The following HERC1 variants were observed in gnomAD, a reference collection of about 807,000 sequenced individuals.
HERC1 encodes probable E3 ubiquitin-protein ligase HERC1.
A neutral mutation model predicts 554.3 loss-of-function variants in HERC1; 160 were observed. The ratio of observed to expected loss-of-function variants is 0.29; its 90% CI spans 0.25 to 0.33. HERC1 has a LOEUF of 0.33. Among genes scored for constraint, HERC1 ranks in the 10% least tolerant of loss-of-function variants. The pLI is 1.00. For missense variants in HERC1, 4,919 were observed against 5,918.5 expected (o/e 0.83, Z 5.54); for synonymous variants, 2,175 against 2,131.7 (o/e 1.02, Z -0.56).
Position 63,739,994 on chromosome 15 carries a change from T to C in HERC1, c.2521-5145A>G, listed in dbSNP as rs184176393. The stretch of plus-strand genomic sequence containing the variant: ...GGTATGATGTCAGCTCACCGCAACC[T>C]CTGCCTCCCGGTTTCAAGCAATTCT... On this transcript the variant is annotated intron_variant, in intron 12 of 77. Transcript: ENST00000443617. Among the ~76,000 whole-genome samples, 142 of 152,122 alleles carry C rather than the reference T, an allele frequency of 9.3e-4. 1 individual carries two copies. The highest frequency in any genetic ancestry group is 3.4e-3 in the African/African-American group (141 of 41,500).
chr15:63,736,775 T>A (rs563666194), intron 12 of HERC1, among the ~76,000 whole-genome samples: 1 of 151,942 alleles, frequency 6.6e-6, no homozygotes, highest in Non-Finnish European at 1.5e-5. Flanking sequence ...CCCAGGTAAT[T>A]TTTGTATTTT....
chr15:63,637,122 T>G (rs752757091), intron 64 of HERC1: 1 of 457,330 alleles, frequency 2.2e-6, no homozygotes. Context: ...CTGATGAAGA[T>G]GTCCTTTAAA....
At chr15:63,671,972 C>A (rs551945039) in intron 39 of HERC1, among the ~76,000 whole-genome samples, 1 of 152,098 alleles carries the variant, frequency 6.6e-6, no homozygotes, top group African/African-American at 2.4e-5. Flanking sequence ...TTTAAGTAAG[C>A]ATCACTTGGA....
Position 63,633,973 on chromosome 15 carries a change from A to G in HERC1, c.12571-3T>C, listed in dbSNP as rs776651094. ...GTGTGGTTTAATCCACAGGCCACCTAAAGAAATAACAGCATTCCGTAAGGC... is the reference window on the plus strand; with the variant it reads ...GTGTGGTTTAATCCACAGGCCACCTGAAGAAATAACAGCATTCCGTAAGGC... On this transcript the variant is annotated splice_polypyrimidine_tract_variant and splice_region_variant and intron_variant, in intron 66 of 77. Transcript: ENST00000443617. 6 of 1,613,754 alleles carry G rather than the reference A, an allele frequency of 3.7e-6. No homozygotes were observed. Among genetic ancestry groups the G allele is most frequent in the African/African-American group, 1.3e-5 (1 of 74,930 alleles).
In HERC1 at chr15:63,659,936, T is replaced by C; in HGVS notation, c.9224A>G (p.Glu3075Gly). ...ATCAACATCCAACATGTCCCAGTCT[T>C]CTGGAATTTAAATAAATAAATGTAT... ...LIGKQDSVYE[E>G]DWDMLDVDED... Residue 3075 changes from glutamate to glycine, a missense_variant and splice_region_variant, in exon 47 of 78, where the codon GAA becomes GGA. By Grantham distance (98) the Glu-to-Gly change is moderately conservative (BLOSUM62 -2). Transcript: ENST00000443617. 1 of 1,599,922 alleles carries C rather than the reference T, an allele frequency of 6.3e-7. No homozygotes were observed. Among genetic ancestry groups the C allele is most frequent in the Non-Finnish European group, 8.6e-7 (1 of 1,168,230 alleles).
Position 63,638,508 on chromosome 15 carries a change from A to T in HERC1, c.11996T>A (p.Val3999Asp), listed in dbSNP as rs1368218938. ...ATGCCTACCAGCACCCCATAAGTAG[A>T]CATCACATTTACCTCCCAGGTGCCA... is the stretch of plus-strand genomic sequence containing the variant. Reference protein sequence around the residue: ...EDWHLGGKCDVYLWGAGRHGQ... With the variant: ...EDWHLGGKCDDYLWGAGRHGQ... The change falls in exon 63 of 78, where the codon GTC becomes GAC. Residue 3999 changes from valine to aspartate, a missense_variant. Transcript: ENST00000443617. 1 of 1,613,886 alleles carries T rather than the reference A, an allele frequency of 6.2e-7. No individual in the cohort carries two copies. Among genetic ancestry groups the T allele is most frequent in the East Asian group, 2.2e-5 (1 of 44,874 alleles).
At chr15:63,788,296 A>C (rs964945847) in intron 1 of HERC1, among the ~76,000 whole-genome samples, 2 of 152,186 alleles carry the variant, frequency 1.3e-5, no homozygotes, top group Non-Finnish European at 2.9e-5. Context: ...TTTCAAAAAA[A>C]CCAATTTAAC....
rs2075696742 is a variant in HERC1 at position 63,764,093 on chromosome 15, T to C, written c.1026+3A>G. The C allele has an allele frequency of 6.3e-7, 1 of 1,595,752 alleles. No homozygotes were observed. The highest frequency in any genetic ancestry group is 8.6e-7 in the Non-Finnish European group (1 of 1,167,786). ...TAATACAAAAGCCACGATTATTACG[T>C]ACCTCTTCAAAGAGACATAATGCTG... On this transcript the variant is annotated splice_donor_region_variant and intron_variant, in intron 3 of 77. Transcript: ENST00000443617.
At chr15:63,721,483 G>C (rs570284563) in intron 19 of HERC1, among the ~76,000 whole-genome samples, 1 of 152,014 alleles carries the variant, frequency 6.6e-6, no homozygotes, top group African/African-American at 2.4e-5. Flanking sequence ...CTGGGATCAC[G>C]CCACTGCACT....
At chr15:63,647,641 T>A (rs1263123669) in intron 55 of HERC1, among the ~76,000 whole-genome samples, 1 of 152,186 alleles carries the variant, frequency 6.6e-6, no homozygotes. Flanking sequence ...AAACATGGTA[T>A]ATATAAACAA....
At chr15:63,833,677 A>AGCAGCCCCGCTCGGCT (rs1485138557) in intron 1 of HERC1, 150 bp downstream of exon 1, 14 of 151,860 alleles carry the variant, frequency 9.2e-5, no homozygotes, top group African/African-American at 2.7e-4. Flanking sequence ...CCGGGACCCC[A>AGCAGCCCCGCTCGGCT]GCAGCCCCGC....
intron 1 of HERC1, among the ~76,000 whole-genome samples, chr15:63,803,199 ATAAAATT>A (rs1344762824): frequency 6.6e-6 from 1 of 152,196 alleles, no homozygotes; most frequent in Non-Finnish European, 1.5e-5. Context: ...AAAAAATAAA[ATAAAATT>A]TAAATTTAAA....
intron 55 of HERC1, among the ~76,000 whole-genome samples, chr15:63,646,320 C>T (rs1195472969): frequency 6.6e-6 from 1 of 152,036 alleles, no homozygotes; most frequent in Non-Finnish European, 1.5e-5. Flanking sequence ...GGAGGTATTA[C>T]CAGGGTGTTC....
Position 63,648,004 on chromosome 15 carries a change from A to G in HERC1, c.10878+65T>C, listed in dbSNP as rs1339589107. ...AAATCTCTGACTTCTCCACTGTGTA[A>G]TCTATGCATGTAACAAAATTATATT... is the stretch of plus-strand genomic sequence containing the variant. On this transcript the variant is annotated intron_variant, in intron 55 of 77. Coordinates refer to ENST00000443617, the MANE Select transcript of HERC1 (RefSeq NM_003922.4). The G allele has an allele frequency of 4.7e-6, 6 of 1,285,406 alleles. No individual in the cohort carries two copies. The African/African-American group carries it at 8.9e-5, about 19-fold the overall frequency. The allele number at this position is 1,285,406 out of a possible 1,614,324, so 79.6% of individuals were successfully genotyped here. A position where few individuals can be genotyped will look rare whatever the true frequency, so the allele number is the denominator to read the frequency against.
intron 1 of HERC1, among the ~76,000 whole-genome samples, chr15:63,778,651 T>G: frequency 6.6e-6 from 1 of 152,190 alleles, no homozygotes. Context: ...GCTATTGTAT[T>G]TGGACTTTGC....
intron 24 of HERC1, among the ~76,000 whole-genome samples, chr15:63,707,571 A>G (rs936124578): frequency 6.6e-6 from 1 of 152,210 alleles, no homozygotes; most frequent in African/African-American, 2.4e-5. Flanking sequence ...ACATTATGGT[A>G]TCAGCAATTT....
intron 1 of HERC1, among the ~76,000 whole-genome samples, chr15:63,831,558 G>A (rs1160789372): frequency 6.6e-6 from 1 of 152,034 alleles, no homozygotes; most frequent in Non-Finnish European, 1.5e-5. Flanking sequence ...TCCAAGCCAC[G>A]ATGTCATCAT....
Position 63,678,359 on chromosome 15 carries a change from T to G in HERC1, c.6556A>C (p.Ile2186Leu). Residue 2186 changes from isoleucine to leucine, a missense_variant, in exon 37 of 78, where the codon ATT becomes CTT. Physicochemically the swap from Ile to Leu is conservative, Grantham distance 5. This residue lies in a region of HERC1 where 1,963 missense variants were observed against 2,228.6 expected (regional missense o/e 0.88). Coordinates refer to ENST00000443617, the MANE Select transcript of HERC1 (RefSeq NM_003922.4). Reference sequence around the variant, plus strand: ...GTGCCACGCATCTGCATATCACAAATTTTCACCTATATAAAAGTAAAGAGG... The same window carrying G: ...GTGCCACGCATCTGCATATCACAAAGTTTCACCTATATAAAAGTAAAGAGG... ...YSSNPGEKVK[I>L]CDMQMRGTPR... The G allele has an allele frequency of 1.3e-6, 2 of 1,587,696 alleles. No individual in the cohort carries two copies. Among genetic ancestry groups the G allele is most frequent in the African/African-American group, 1.4e-5 (1 of 73,574 alleles).
intron 76 of HERC1, among the ~76,000 whole-genome samples, chr15:63,614,140 G>C (rs956278551): frequency 2.0e-5 from 3 of 152,274 alleles, no homozygotes; most frequent in South Asian, 2.1e-4. Flanking sequence ...AGGAGGAAGG[G>C]CTTGTTACTG....
Sources: allele counts gnomAD v4.1 joint callset (sites outside exome capture counted in the v4.1 genomes callset), GRCh38; gene constraint gnomAD v4.1.1; regional missense constraint gnomAD v4.1.1; transcripts MANE v1.5; gene names NCBI Gene and HGNC (gene_info 2026-07-23, HGNC 2026-07-21).